Variants in IQSEC1 observed in about 807,000 individuals in gnomAD.
IQSEC1 encodes the protein IQ motif and SEC7 domain-containing protein 1.
Under a neutral mutation model 91.0 loss-of-function variants are expected in IQSEC1, and 31 were observed. That is an observed-to-expected ratio of 0.34 (90% confidence interval 0.26 to 0.46). IQSEC1 has a LOEUF of 0.46. IQSEC1 is among the 20% of genes least tolerant of loss of function. IQSEC1 has a pLI of 1.00. For missense variants in IQSEC1, 1,388 were observed against 1,575.6 expected, an observed-to-expected ratio of 0.88 and a Z score of 2.02; for synonymous variants, 699 against 662.6, an observed-to-expected ratio of 1.05 and a Z score of -0.84.
intron 2 of IQSEC1, among the ~76,000 whole-genome samples, chr3:13,154,608 T>C (rs1349703722): frequency 6.7e-6 from 1 of 150,270 alleles, no homozygotes; most frequent in Non-Finnish European, 1.5e-5. Flanking sequence ...GGAAGCAGAA[T>C]TGAGTACTTG....
intron 1 of IQSEC1, among the ~76,000 whole-genome samples, chr3:13,274,624 ATGAATGAAGACG>A: frequency 6.6e-6 from 1 of 152,338 alleles, no homozygotes; most frequent in Non-Finnish European, 1.5e-5. Flanking sequence ...TGTGTCCTGC[ATGAATGAAGACG>A]TGAACAGCAA....
intron 1 of IQSEC1, among the ~76,000 whole-genome samples, chr3:13,172,822 C>T (rs1693644463): frequency 6.6e-6 from 1 of 152,194 alleles, no homozygotes; most frequent in African/African-American, 2.4e-5. Context: ...CTGCCGCCTC[C>T]CAGCCACGTG....
chr3:13,240,477 T>G (rs1326519454), intron 1 of IQSEC1, among the ~76,000 whole-genome samples: 9 of 152,226 alleles, frequency 5.9e-5, no homozygotes, highest in Non-Finnish European at 1.5e-5. Flanking sequence ...CTCAGAGGCT[T>G]GGAGGAACCC....
Position 12,935,764 on chromosome 3 carries a change from G to A in IQSEC1, c.1252C>T (p.Arg418Trp), listed in dbSNP as rs71306027. 7.5e-6 allele frequency: 12 copies of A among 1,608,134 alleles called. No homozygotes were observed. The African/African-American group carries it at 8.0e-5, about 11-fold the overall frequency. The change falls in exon 3 of 14, where the codon CGG becomes TGG. Residue 418 changes from arginine (R) to tryptophan (W), a missense_variant. Arg to Trp is a moderately radical substitution (Grantham distance 101, BLOSUM62 -3). Transcript: ENST00000613206. The surrounding 1 kb of genome is among the most constrained non-coding windows in gnomAD (Gnocchi z 8.0). ...PHSGAPKSLP[R>W]EEPELRPRPP... ...CGGGGCCGCAACTCAGGCTCCTCCC[G>A]GGGGAGGCTCTTGGGGGCGCCGCTG...
intron 1 of IQSEC1, among the ~76,000 whole-genome samples, chr3:13,227,785 G>A (rs1477641741): frequency 6.6e-6 from 1 of 152,196 alleles, no homozygotes; most frequent in Non-Finnish European, 1.5e-5. Flanking sequence ...CAGCAAAGTG[G>A]GGACTTTCCG....
At position 13,252,528 on chromosome 3, in the gene IQSEC1, G is replaced by A. The variant is rs551249798; in HGVS notation, c.272+30183C>T. Among the ~76,000 whole-genome samples, 4 of 152,094 alleles carry A rather than the reference G, an allele frequency of 2.6e-5. 1 individual carries two copies. Among genetic ancestry groups the A allele is most frequent in the South Asian group, 4.2e-4 (2 of 4,808 alleles). On this transcript the variant is annotated intron_variant, in intron 1 of 15. Coordinates refer to the IQSEC1 transcript ENST00000648114. ...GTGGGTGTGCGAGTATCTCTTCGACGCCCCGCGTTCAATTCTTTTGGGCAT... is the reference window on the plus strand; with the variant it reads ...GTGGGTGTGCGAGTATCTCTTCGACACCCCGCGTTCAATTCTTTTGGGCAT...
intron 1 of IQSEC1, among the ~76,000 whole-genome samples, chr3:13,045,784 G>A (rs1704472473): frequency 6.6e-6 from 1 of 152,202 alleles, no homozygotes; most frequent in Non-Finnish European, 1.5e-5. Context: ...AGCCCCTACA[G>A]GAGCCTCCTC....
chr3:12,933,723 T>C (rs770176915), intron 3 of IQSEC1, among the ~76,000 whole-genome samples: 5 of 152,180 alleles, frequency 3.3e-5, no homozygotes, highest in African/African-American at 4.8e-5. Context: ...CATGGCTGTC[T>C]AGAGTTCCTA....
At chr3:13,023,005 A>G (rs1310222120) in intron 1 of IQSEC1, among the ~76,000 whole-genome samples, 1 of 152,210 alleles carries the variant, frequency 6.6e-6, no homozygotes, top group African/African-American at 2.4e-5. Flanking sequence ...TAACTCATCC[A>G]GTTCTCCCAA....
chr3:13,278,269 C>G (rs1316366595), intron 1 of IQSEC1, among the ~76,000 whole-genome samples: 6 of 152,120 alleles, frequency 3.9e-5, no homozygotes. Context: ...CCCCCAGCCT[C>G]CTTAGGCGAT....
chr3:13,131,040 G>GGGAAT (rs1706607248), intron 2 of IQSEC1, among the ~76,000 whole-genome samples: 1 of 147,254 alleles, frequency 6.8e-6, no homozygotes, highest in Admixed American at 6.7e-5. Flanking sequence ...AGGAAGGAAA[G>GGGAAT]GAAGGAAGGA....
intron 2 of IQSEC1, among the ~76,000 whole-genome samples, chr3:13,101,050 C>T (rs1322099694): frequency 8.2e-6 from 1 of 122,422 alleles, no homozygotes; most frequent in African/African-American, 3.5e-5. Flanking sequence ...GGCCGAGAGG[C>T]TGGGAGGGAC....
intron 1 of IQSEC1, among the ~76,000 whole-genome samples, chr3:13,015,247 C>A (rs1170628649): frequency 6.6e-6 from 1 of 152,118 alleles, no homozygotes; most frequent in Non-Finnish European, 1.5e-5. Flanking sequence ...CCGTAGGCAG[C>A]GACCCAACAC....
Position 13,236,842 on chromosome 3 carries a change from G to GC in IQSEC1, c.272+45868dup, listed in dbSNP as rs532178728. ...CTGGTCACCCCATGCAGCTGATGATGCCCCACCCCCACCCAGGGTACTTTG... is the reference window on the plus strand; with the variant it reads ...CTGGTCACCCCATGCAGCTGATGATGCCCCCACCCCCACCCAGGGTACTTTG... On this transcript the variant is annotated intron_variant, in intron 1 of 15. Coordinates refer to the IQSEC1 transcript ENST00000648114. Among the ~76,000 whole-genome samples the GC allele has an allele frequency of 8.9e-4, 135 of 152,310 alleles. 1 individual carries two copies. The highest frequency in any genetic ancestry group is 1.5e-3 in the Non-Finnish European group (100 of 68,026).
intron 1 of IQSEC1, among the ~76,000 whole-genome samples, chr3:12,943,353 C>T (rs779649353): frequency 1.3e-5 from 2 of 152,244 alleles, no homozygotes; most frequent in Admixed American, 1.3e-4. Flanking sequence ...AACTCGCAAG[C>T]CTTTTCACTG....
At chr3:12,956,681 G>A (rs767992977) in intron 1 of IQSEC1, among the ~76,000 whole-genome samples, 5 of 152,296 alleles carry the variant, frequency 3.3e-5, no homozygotes, top group Middle Eastern at 3.4e-3. Flanking sequence ...AGCCCCCTCT[G>A]TCCACCTGTG....
chr3:13,088,180 G>A (rs1026552170), intron 2 of IQSEC1, among the ~76,000 whole-genome samples: 13 of 152,192 alleles, frequency 8.5e-5, no homozygotes, highest in Admixed American at 6.5e-4. Flanking sequence ...TGTCTGTCCC[G>A]TAACTGCTGA....
chr3:12,912,887 A>G (rs1695704371), intron 9 of IQSEC1, among the ~76,000 whole-genome samples: 1 of 152,124 alleles, frequency 6.6e-6, no homozygotes, highest in Non-Finnish European at 1.5e-5. Context: ...CCTTCAGTCC[A>G]TAGGTCTTGC....
Position 12,924,554 on chromosome 3 carries a change from C to A in IQSEC1, c.1730+27G>T. 2 of 1,553,776 alleles carry A rather than the reference C, an allele frequency of 1.3e-6. No individual in the cohort carries two copies. On this transcript the variant is annotated intron_variant, in intron 4 of 13. Coordinates refer to ENST00000613206, the MANE Select transcript of IQSEC1 (RefSeq NM_001134382.3). The surrounding 1 kb of genome is among the most constrained non-coding windows in gnomAD (Gnocchi z 6.3). ...CGTGAGGGCGTGTGTGGAATCAGGT[C>A]CCCCACCACCCCCATGCAGAACTTA...
Sources: allele counts gnomAD v4.1 joint callset (sites outside exome capture counted in the v4.1 genomes callset), GRCh38; gene constraint gnomAD v4.1.1; non-coding constraint Gnocchi (gnomAD v3.1); transcripts MANE v1.5; gene names NCBI Gene and HGNC (gene_info 2026-07-23, HGNC 2026-07-21).